BRIP1: variants seen among roughly 807,000 people sequenced by gnomAD.
The protein encoded by BRIP1 is BRCA1 interacting DNA helicase 1, also known as Fanconi anemia group J protein.
Under a neutral mutation model 119.7 loss-of-function variants are expected in BRIP1, and 88 were observed. The observed-to-expected ratio is 0.74, with a 90% CI of 0.62 to 0.88. The LOEUF (loss-of-function observed/expected upper bound fraction) is 0.88, where lower values mean the gene tolerates loss of function less well. BRIP1 is among the 40% of genes least tolerant of loss of function. The pLI, the probability that BRIP1 is intolerant of heterozygous loss-of-function variation, is 0.00. For missense variants in BRIP1, 1,259 were observed against 1,455.4 expected, an observed-to-expected ratio of 0.87 and a Z score of 2.20; for synonymous variants, 443 against 496.5, an observed-to-expected ratio of 0.89 and a Z score of 1.43.
In BRIP1 at chr17:61,825,113, G is replaced by C. The variant is rs1478540650; in HGVS notation, c.628-16356C>G. ...ATCCTAGCTAACATGGTGAAATCCCGTCTCTACTAAAAATACAAAAAATTA... is the reference window on the plus strand; with the variant it reads ...ATCCTAGCTAACATGGTGAAATCCCCTCTCTACTAAAAATACAAAAAATTA... On this transcript the variant is annotated intron_variant, in intron 6 of 19. Transcript: ENST00000259008. This position sits in a 1 kb window ranked among gnomAD's most constrained non-coding sequence, Gnocchi z 4.1. Among the ~76,000 whole-genome samples, 1 of 151,964 alleles carries C rather than the reference G, an allele frequency of 6.6e-6. No individual in the cohort carries two copies. The highest frequency in any genetic ancestry group is 1.9e-4 in the East Asian group (1 of 5,158).
chr17:61,809,171 A>G lies in BRIP1; in HGVS notation c.628-414T>C, dbSNP rs1246646699. On this transcript the variant is annotated intron_variant, in intron 6 of 19. Coordinates refer to ENST00000259008, the MANE Select transcript of BRIP1 (RefSeq NM_032043.3). The surrounding 1 kb of genome is among the most constrained non-coding windows in gnomAD (Gnocchi z 5.2). The stretch of plus-strand genomic sequence containing the variant: ...GTTTTGTTCACAGCATAGTTCATTC[A>G]AATATTCCTTAATACACCAATGCTT... 3.3e-5 allele frequency among the ~76,000 whole-genome samples: 5 copies of G among 152,220 alleles called. No homozygotes were observed. The highest frequency in any genetic ancestry group is 7.4e-5 in the Non-Finnish European group (5 of 68,018).
In BRIP1 at chr17:61,679,919, A is replaced by G. The variant is rs1264826872; in HGVS notation, c.*3377T>C. 6.6e-6 allele frequency among the ~76,000 whole-genome samples: 1 copy of G among 152,220 alleles called. No individual in the cohort carries two copies. Among genetic ancestry groups the G allele is most frequent in the East Asian group, 1.9e-4 (1 of 5,208 alleles). ...CTGAGGAGAATATACACCTGTTTCA[A>G]CAGTGATTATCATTGTATAAAATTT... On this transcript the variant is annotated 3_prime_UTR_variant, in exon 20 of 20. Coordinates refer to ENST00000259008, the MANE Select transcript of BRIP1 (RefSeq NM_032043.3). This position sits in a 1 kb window ranked among gnomAD's most constrained non-coding sequence, Gnocchi z 4.4.
At chr17:61,854,535 C>A (rs2078866903) in intron 4 of BRIP1, among the ~76,000 whole-genome samples, 1 of 151,646 alleles carries the variant, frequency 6.6e-6, no homozygotes, top group African/African-American at 2.4e-5. Context: ...GGTGAAACCC[C>A]ATCTCTACTA....
At chr17:61,850,818 C>T (rs1487833618) in intron 4 of BRIP1, among the ~76,000 whole-genome samples, 1 of 151,026 alleles carries the variant, frequency 6.6e-6, no homozygotes, top group Non-Finnish European at 1.5e-5. Flanking sequence ...CAGAACAAGA[C>T]TCTATGTCTC....
chr17:61,764,801 C>T lies in BRIP1; in HGVS notation c.2097+11600G>A, dbSNP rs185696234. Among the ~76,000 whole-genome samples, 14 of 151,920 alleles carry T rather than the reference C, an allele frequency of 9.2e-5. No homozygotes were observed. In the East Asian group the frequency reaches 2.7e-3, roughly 29 times the overall value. On this transcript the variant is annotated intron_variant, in intron 14 of 19. Coordinates refer to ENST00000259008, the MANE Select transcript of BRIP1 (RefSeq NM_032043.3). Reference sequence around the variant, plus strand: ...TACATCCATGAAAAATAGTTTAGAACTAAGGGGGTGGGGGGAGCACAGGGA... The same window carrying T: ...TACATCCATGAAAAATAGTTTAGAATTAAGGGGGTGGGGGGAGCACAGGGA...
intron 13 of BRIP1, among the ~76,000 whole-genome samples, chr17:61,777,007 G>A (rs868683267): frequency 5.9e-5 from 9 of 152,102 alleles, no homozygotes; most frequent in African/African-American, 1.9e-4. Context: ...ATTCATTGGT[G>A]CTCAAAGATC....
rs147475618 is a variant in BRIP1 at position 61,691,256 on chromosome 17, T to TA, written c.2575+2173dup. Among the ~76,000 whole-genome samples the TA allele has an allele frequency of 6.7e-6, 1 of 148,826 alleles. No homozygotes were observed. The highest frequency in any genetic ancestry group is 2.5e-5 in the African/African-American group (1 of 40,346). Reference sequence around the variant, plus strand: ...ATAATAATAAAAATAAAAATTAAAATAAAAAAACTCAAACCAGGGAAAAAA... The same window carrying TA: ...ATAATAATAAAAATAAAAATTAAAATAAAAAAAACTCAAACCAGGGAAAAAA... On this transcript the variant is annotated intron_variant, in intron 18 of 19. Transcript: ENST00000259008. The surrounding 1 kb of genome is among the most constrained non-coding windows in gnomAD (Gnocchi z 5.0).
chr17:61,782,640 A>C (rs183683228), intron 11 of BRIP1, among the ~76,000 whole-genome samples: 3 of 152,284 alleles, frequency 2.0e-5, no homozygotes, highest in East Asian at 1.9e-4. Context: ...AGAATATCTA[A>C]ATAACTACAG....
Position 61,760,887 on chromosome 17 carries a change from T to G in BRIP1, c.2097+15514A>C. 6.6e-6 allele frequency among the ~76,000 whole-genome samples: 1 copy of G among 151,998 alleles called. No individual in the cohort carries two copies. On this transcript the variant is annotated intron_variant, in intron 14 of 19. Transcript: ENST00000259008. The surrounding 1 kb of genome is among the most constrained non-coding windows in gnomAD (Gnocchi z 4.6). Reference sequence around the variant, plus strand: ...AAGAAGTTGAAAAGGAGGATATACTTCTAAATTCTTTTTACATGACCAGCA... The same window carrying G: ...AAGAAGTTGAAAAGGAGGATATACTGCTAAATTCTTTTTACATGACCAGCA...
At chr17:61,714,761 G>A (rs192779272) in intron 17 of BRIP1, among the ~76,000 whole-genome samples, 13 of 151,400 alleles carry the variant, frequency 8.6e-5, no homozygotes, top group South Asian at 8.4e-4. Flanking sequence ...TTAGGATCAC[G>A]ATTATAGTTT....
At chr17:61,733,273 C>T (rs1482263247) in intron 16 of BRIP1, among the ~76,000 whole-genome samples, 1 of 152,132 alleles carries the variant, frequency 6.6e-6, no homozygotes, top group Admixed American at 6.5e-5. Context: ...TCTGTAATCC[C>T]AGCTGCTCGG....
chr17:61,844,269 A>G lies in BRIP1; in HGVS notation c.627+2832T>C, dbSNP rs1232571087. On this transcript the variant is annotated intron_variant, in intron 6 of 19. Coordinates refer to ENST00000259008, the MANE Select transcript of BRIP1 (RefSeq NM_032043.3). This position sits in a 1 kb window ranked among gnomAD's most constrained non-coding sequence, Gnocchi z 4.7. Reference sequence around the variant, plus strand: ...AATTAAGATCAGGCAGTATGTGTCCAAAGTCCATTCTCTTAACCAATAAAA... The same window carrying G: ...AATTAAGATCAGGCAGTATGTGTCCGAAGTCCATTCTCTTAACCAATAAAA... Among the ~76,000 whole-genome samples the G allele has an allele frequency of 6.6e-6, 1 of 152,132 alleles. No homozygotes were observed. Among genetic ancestry groups the G allele is most frequent in the Non-Finnish European group, 1.5e-5 (1 of 68,036 alleles).
In BRIP1 at chr17:61,708,239, A is replaced by C. The variant is rs1195695354; in HGVS notation, c.2492+7712T>G. 6.6e-6 allele frequency among the ~76,000 whole-genome samples: 1 copy of C among 151,184 alleles called. No homozygotes were observed. The highest frequency in any genetic ancestry group is 1.5e-5 in the Non-Finnish European group (1 of 67,822). On this transcript the variant is annotated intron_variant, in intron 17 of 19. Transcript: ENST00000259008. This position sits in a 1 kb window ranked among gnomAD's most constrained non-coding sequence, Gnocchi z 4.4. ...GGTCAAATGTAGTCCAAAAATATTA[A>C]ATGGAAAATTCCAGAAATAATTCAT... is the stretch of plus-strand genomic sequence containing the variant.
chr17:61,843,665 T>C lies in BRIP1; in HGVS notation c.627+3436A>G, dbSNP rs952602822. On this transcript the variant is annotated intron_variant, in intron 6 of 19. Coordinates refer to ENST00000259008, the MANE Select transcript of BRIP1 (RefSeq NM_032043.3). The surrounding 1 kb of genome is among the most constrained non-coding windows in gnomAD (Gnocchi z 5.7). ...TTCCATGTGACAAGTTTGCTCTCTC[T>C]TTGTCTTCTGGCATGCTTGTAAGCT... Among the ~76,000 whole-genome samples the C allele has an allele frequency of 1.3e-5, 2 of 152,130 alleles. No homozygotes were observed. Among genetic ancestry groups the C allele is most frequent in the Non-Finnish European group, 2.9e-5 (2 of 68,022 alleles).
At chr17:61,837,033 A>G (rs2078584864) in intron 6 of BRIP1, among the ~76,000 whole-genome samples, 1 of 152,224 alleles carries the variant, frequency 6.6e-6, no homozygotes, top group Non-Finnish European at 1.5e-5. Flanking sequence ...AATTGCGGAA[A>G]ATATTAATAC....
rs187155573 is a variant in BRIP1 at position 61,783,846 on chromosome 17, G to A, written c.1628+424C>T. 6.3e-4 allele frequency: 96 copies of A among 153,586 alleles called. 1 individual carries two copies. In the East Asian group the frequency reaches 0.017, roughly 27 times the overall value. The allele number at this position is 153,586 out of a possible 1,614,324, so 9.5% of individuals were successfully genotyped here. On this transcript the variant is annotated intron_variant, in intron 11 of 19. Transcript: ENST00000259008. ...TCCTAGCACTTTGGGAGGCTGAGGT[G>A]GGAGGATCACTTGAGGCCAGGAGTT...
rs751454851 is a variant in BRIP1 at position 61,762,665 on chromosome 17, T to A, written c.2097+13736A>T. 6.6e-6 allele frequency among the ~76,000 whole-genome samples: 1 copy of A among 151,978 alleles called. No individual in the cohort carries two copies. Among genetic ancestry groups the A allele is most frequent in the African/African-American group, 2.4e-5 (1 of 41,392 alleles). ...ATTAGGGAAATACAAATTAAAACCATGATGAAACATTACCTTATGCCTGTA... is the reference window on the plus strand; with the variant it reads ...ATTAGGGAAATACAAATTAAAACCAAGATGAAACATTACCTTATGCCTGTA... On this transcript the variant is annotated intron_variant, in intron 14 of 19. Transcript: ENST00000259008. The surrounding 1 kb of genome is among the most constrained non-coding windows in gnomAD (Gnocchi z 4.3).
chr17:61,823,889 C>T lies in BRIP1; in HGVS notation c.628-15132G>A, dbSNP rs1268187287. On this transcript the variant is annotated intron_variant, in intron 6 of 19. Transcript: ENST00000259008. This position sits in a 1 kb window ranked among gnomAD's most constrained non-coding sequence, Gnocchi z 4.8. Reference sequence around the variant, plus strand: ...TGTTGCCCAAAGTGATCTCAGCTCACTGCAACCTCCGCCTCCTGGGTTCAA... The same window carrying T: ...TGTTGCCCAAAGTGATCTCAGCTCATTGCAACCTCCGCCTCCTGGGTTCAA... Among the ~76,000 whole-genome samples the T allele has an allele frequency of 6.6e-6, 1 of 152,066 alleles. No homozygotes were observed. The highest frequency in any genetic ancestry group is 2.4e-5 in the African/African-American group (1 of 41,406).
rs2078342540 is a variant in BRIP1 at position 61,822,560 on chromosome 17, G to A, written c.628-13803C>T. The stretch of plus-strand genomic sequence containing the variant: ...TACAGGTTAATGAGATGACTGAATA[G>A]GAAAACAGACTGCTCTCACATCTAC... On this transcript the variant is annotated intron_variant, in intron 6 of 19. Transcript: ENST00000259008. This position sits in a 1 kb window ranked among gnomAD's most constrained non-coding sequence, Gnocchi z 4.4. Among the ~76,000 whole-genome samples the A allele has an allele frequency of 6.6e-6, 1 of 152,100 alleles. No homozygotes were observed. Among genetic ancestry groups the A allele is most frequent in the Admixed American group, 6.5e-5 (1 of 15,270 alleles).
Sources: allele counts gnomAD v4.1 joint callset (sites outside exome capture counted in the v4.1 genomes callset), GRCh38; gene constraint gnomAD v4.1.1; non-coding constraint Gnocchi (gnomAD v3.1); transcripts MANE v1.5; gene names NCBI Gene and HGNC (gene_info 2026-07-23, HGNC 2026-07-21).